The following GRIN1 variants were observed in gnomAD, a reference collection of about 807,000 sequenced individuals.
GRIN1 encodes glutamate ionotropic receptor NMDA type subunit 1, also known as glutamate receptor ionotropic, NMDA 1.
A neutral mutation model predicts 103.0 loss-of-function variants in GRIN1; 38 were observed. The ratio of observed to expected loss-of-function variants is 0.37; its 90% CI spans 0.28 to 0.48. The LOEUF is 0.48. Among genes scored for constraint, GRIN1 ranks in the 20% least tolerant of loss-of-function variants. The probability of loss-of-function intolerance (pLI) is 0.98; values close to 1 mark genes in which losing one functional copy is unlikely to be tolerated. For synonymous variants in GRIN1, 544 were observed against 532.7 expected (o/e 1.02, Z -0.29); for missense variants, 577 against 1,288.9 (o/e 0.45, Z 8.46).
chr9:137,143,304 G>C (rs1171463510), intron 2 of GRIN1, among the ~76,000 whole-genome samples: 1 of 152,262 alleles, frequency 6.6e-6, no homozygotes, highest in Non-Finnish European at 1.5e-5. Flanking sequence ...AACTGAGACA[G>C]AGGCTGGAAC....
chr9:137,160,885 C>T (rs1278400174), intron 8 of GRIN1, among the ~76,000 whole-genome samples, 171 bp from the exon 9 acceptor site: 1 of 152,160 alleles, frequency 6.6e-6, no homozygotes, highest in African/African-American at 2.4e-5. Flanking sequence ...AACACTTGGG[C>T]TCGTGAAGAA....
chr9:137,145,755 G>A lies in GRIN1; in HGVS notation c.423G>A (p.Val141=), dbSNP rs776177062. The part of the protein sequence containing the change: ...KSIHLSFLRT[V]PPYSHQSSVW... ...TCCACCTGAGCTTCCTGCGCACCGT[G>A]CCGCCCTACTCCCACCAGTCCAGCG... The change falls in exon 3 of 20, where the codon GTG becomes GTA. Residue 141 remains valine (V), a synonymous_variant. Coordinates refer to ENST00000371561, the MANE Select transcript of GRIN1 (RefSeq NM_007327.4). 1 of 1,613,446 alleles carries A rather than the reference G, an allele frequency of 6.2e-7. No homozygotes were observed. Among genetic ancestry groups the A allele is most frequent in the South Asian group, 1.1e-5 (1 of 91,068 alleles).
At position 137,156,345 on chromosome 9, in the gene GRIN1, G is replaced by A. The variant is rs149867237; in HGVS notation, c.672-324G>A. 0.014 allele frequency among the ~76,000 whole-genome samples: 2,115 copies of A among 151,906 alleles called. 75 individuals carry two copies. Among genetic ancestry groups the A allele is most frequent in the Non-Finnish European group, 0.011 (739 of 67,914 alleles). ...AAGCCAGGTATCTAACCCCATCCCT[G>A]CTCCCCCAAGGTAAGGGCCAGCATC... On this transcript the variant is annotated intron_variant, in intron 4 of 19. Coordinates refer to ENST00000371561, the MANE Select transcript of GRIN1 (RefSeq NM_007327.4).
At position 137,168,675 on chromosome 9, in the gene GRIN1, C is replaced by A; in HGVS notation, c.*1148C>A. On this transcript the variant is annotated 3_prime_UTR_variant, in exon 20 of 20. Transcript: ENST00000371561. ...CCGTGCGCAGCCGCGCTCTGCCCCT[C>A]CGTCCCCAGGGTGCAGGCGCGCACC... 4 of 436,622 alleles carry A rather than the reference C, an allele frequency of 9.2e-6. No individual in the cohort carries two copies. Among genetic ancestry groups the A allele is most frequent in the Non-Finnish European group, 1.5e-5 (4 of 275,032 alleles). The allele number at this position is 436,622 out of a possible 1,614,324, so 27.0% of individuals were successfully genotyped here. A position where few individuals can be genotyped will look rare whatever the true frequency, so the allele number is the denominator to read the frequency against.
chr9:137,151,037 CCCCGCCCAGAAAAAGT>C (rs1832854808), intron 4 of GRIN1, among the ~76,000 whole-genome samples: 1 of 138,252 alleles, frequency 7.2e-6, no homozygotes, highest in South Asian at 2.4e-4. Flanking sequence ...CCAGGGAAAG[CCCCGCCCAGAAAAAGT>C]CCCGCCCAGG....
intron 1 of GRIN1, among the ~76,000 whole-genome samples, chr9:137,140,224 G>A (rs559262803): frequency 6.6e-6 from 1 of 152,290 alleles, no homozygotes; most frequent in African/African-American, 2.4e-5. Flanking sequence ...CAGGTGCCAC[G>A]GCAGGACGCT....
At chr9:137,144,193 C>A (rs1832328784) in intron 2 of GRIN1, among the ~76,000 whole-genome samples, 1 of 152,120 alleles carries the variant, frequency 6.6e-6, no homozygotes, top group Non-Finnish European at 1.5e-5. Context: ...TCCACAGAAA[C>A]CCACGTCCCT....
At chr9:137,157,373 A>C (rs1193314194) in intron 6 of GRIN1, among the ~76,000 whole-genome samples, 1 of 152,044 alleles carries the variant, frequency 6.6e-6, no homozygotes, top group Non-Finnish European at 1.5e-5. Flanking sequence ...CACCACATCT[A>C]ATGGCACAAT....
Position 137,164,076 on chromosome 9 carries a change from G to T in GRIN1, c.2589+172G>T, listed in dbSNP as rs754544049. ...CCCAGGGCACGGGGGCAGCACCGGT[G>T]GGGGGCTGCCTGCAGGTGGCTGCCC... On this transcript the variant is annotated intron_variant, in intron 18 of 19. Coordinates refer to ENST00000371561, the MANE Select transcript of GRIN1 (RefSeq NM_007327.4). The T allele has an allele frequency of 9.9e-6, 8 of 806,496 alleles. No homozygotes were observed. The East Asian group carries it at 1.1e-4, about 11-fold the overall frequency. 50.0% of individuals were successfully genotyped at this position (806,496 alleles called of 1,614,324 possible). A position where few individuals can be genotyped will look rare whatever the true frequency, so the allele number is the denominator to read the frequency against.
Position 137,144,477 on chromosome 9 carries a change from A to AC in GRIN1, c.394-1245dup, listed in dbSNP as rs1246617449. 2.2e-4 allele frequency among the ~76,000 whole-genome samples: 33 copies of AC among 151,438 alleles called. No homozygotes were observed. In the South Asian group the frequency reaches 6.5e-3, roughly 30 times the overall value. On this transcript the variant is annotated intron_variant, in intron 2 of 19. Coordinates refer to ENST00000371561, the MANE Select transcript of GRIN1 (RefSeq NM_007327.4). ...AGACCATCCTGGCTAATACGGTGAA[A>AC]CCCCATCTCCACTAAAAATACAAAA...
chr9:137,139,561 G>A lies in GRIN1; in HGVS notation c.75G>A (p.Lys25=), dbSNP rs1832051310. 1.9e-6 allele frequency: 3 copies of A among 1,612,842 alleles called. No homozygotes were observed. The highest frequency in any genetic ancestry group is 2.5e-6 in the Non-Finnish European group (3 of 1,179,884). ...CSVARAACDP[K]IVNIGAVLST... Reference sequence around the variant, plus strand: ...TCGCCCGTGCCGCGTGCGACCCCAAGATCGTCAACATTGGCGCGGTGCTGA... The same window carrying A: ...TCGCCCGTGCCGCGTGCGACCCCAAAATCGTCAACATTGGCGCGGTGCTGA... The change falls in exon 1 of 20, where the codon AAG becomes AAA. Residue 25 remains lysine (K), a synonymous_variant. Transcript: ENST00000371561. This position sits in a 1 kb window ranked among gnomAD's most constrained non-coding sequence, Gnocchi z 7.7.
intron 19 of GRIN1, chr9:137,165,518 C>T (rs1833824004): frequency 1.7e-6 from 1 of 581,050 alleles, no homozygotes; most frequent in East Asian, 2.9e-5. Context: ...CCGTGTGTCT[C>T]CGTTAGTCTG....
At chr9:137,154,972 C>T (rs1833136450) in intron 4 of GRIN1, among the ~76,000 whole-genome samples, 1 of 152,200 alleles carries the variant, frequency 6.6e-6, no homozygotes, top group Admixed American at 6.5e-5. Flanking sequence ...TTTGGCTCCT[C>T]CTTAGTGAAG....
chr9:137,162,323 C>A lies in GRIN1; in HGVS notation c.1751+33C>A, dbSNP rs1043896544. On this transcript the variant is annotated intron_variant, in intron 12 of 19. Transcript: ENST00000371561. Reference sequence around the variant, plus strand: ...CGACCCGGGGCTCAGACACCTCCATCTGCGGGGCGCGGAGCCGGCCAGGGG... The same window carrying A: ...CGACCCGGGGCTCAGACACCTCCATATGCGGGGCGCGGAGCCGGCCAGGGG... 3.2e-6 allele frequency: 5 copies of A among 1,548,560 alleles called. No homozygotes were observed. In the African/African-American group the frequency reaches 6.8e-5, roughly 21 times the overall value.
At chr9:137,148,539 A>G (rs917720286) in intron 3 of GRIN1, among the ~76,000 whole-genome samples, 1 of 152,154 alleles carries the variant, frequency 6.6e-6, no homozygotes, top group Non-Finnish European at 1.5e-5. Flanking sequence ...CCGCCTGGCC[A>G]CCCACTCGCC....
At chr9:137,153,267 C>G (rs1033442025) in intron 4 of GRIN1, among the ~76,000 whole-genome samples, 10 of 150,084 alleles carry the variant, frequency 6.7e-5, no homozygotes, top group Non-Finnish European at 1.0e-4. Context: ...CATGCATACA[C>G]CATACACATG....
rs372881284 is a variant in GRIN1, at chr9:137,141,498, G to A, written c.259-515G>A. On this transcript the variant is annotated intron_variant, in intron 1 of 19. Transcript: ENST00000371561. ...TCAGACAGAGCCCGTCACAGGCCCT[G>A]CCCCTGGAGACACCAGCAAAAGGGA... 1.1e-4 allele frequency among the ~76,000 whole-genome samples: 17 copies of A among 152,322 alleles called. No homozygotes were observed. In the East Asian group the frequency reaches 3.1e-3, roughly 28 times the overall value.
In GRIN1 at chr9:137,163,646, C is replaced by A; in HGVS notation, c.2421C>A (p.Thr807=). Residue 807 remains threonine, a synonymous_variant, in exon 17 of 20, where the codon ACC becomes ACA. Transcript: ENST00000371561. ...ECDSRSNAPA[T]LTFENMAGVF... ...ACTCGCGCAGCAACGCCCCTGCGAC[C>A]CTTACTTTTGAGAACATGGCCGGTG... 1 of 1,613,610 alleles carries A rather than the reference C, an allele frequency of 6.2e-7. No individual in the cohort carries two copies. The highest frequency in any genetic ancestry group is 8.5e-7 in the Non-Finnish European group (1 of 1,179,790).
intron 6 of GRIN1, among the ~76,000 whole-genome samples, chr9:137,157,809 G>A (rs980248257): frequency 2.0e-5 from 3 of 152,102 alleles, no homozygotes; most frequent in Middle Eastern, 3.2e-3. Context: ...GCACACACAC[G>A]ACACACATAC....
Sources: allele counts gnomAD v4.1 joint callset (sites outside exome capture counted in the v4.1 genomes callset), GRCh38; gene constraint gnomAD v4.1.1; non-coding constraint Gnocchi (gnomAD v3.1); transcripts MANE v1.5; gene names NCBI Gene and HGNC (gene_info 2026-07-23, HGNC 2026-07-21).